CPNE1: variants seen among roughly 807,000 people sequenced by gnomAD.
The protein encoded by CPNE1 is copine-1.
Under a neutral mutation model 63.2 loss-of-function variants are expected in CPNE1, and 58 were observed. The observed-to-expected ratio is 0.92, with a 90% confidence interval of 0.74 to 1.14. The LOEUF (loss-of-function observed/expected upper bound fraction) is 1.14, where lower values mean the gene tolerates loss of function less well. CPNE1 is among the 50% of genes most tolerant of loss of function. The pLI is 0.00. For missense variants in CPNE1, 672 were observed against 661.7 expected (o/e 1.02, Z -0.17); for synonymous variants, 237 against 249.0 (o/e 0.95, Z 0.45).
chr20:35,656,627 C>G (rs2033913718), intron 1 of CPNE1, among the ~76,000 whole-genome samples: 1 of 152,180 alleles, frequency 6.6e-6, no homozygotes, highest in African/African-American at 2.4e-5. Flanking sequence ...CTCCACCTCC[C>G]AGGTTCAAGT....
At chr20:35,648,934 A>T (rs2033313433) in intron 1 of CPNE1, 1 of 152,710 alleles carries the variant, frequency 6.5e-6, no homozygotes, top group Non-Finnish European at 1.5e-5. Flanking sequence ...GTGCAGTTAA[A>T]GCATTAAAAG....
At chr20:35,650,037 T>C (rs2033394536) in intron 1 of CPNE1, 1 of 152,586 alleles carries the variant, frequency 6.6e-6, no homozygotes, top group Non-Finnish European at 1.5e-5. Context: ...TTTCACAGAA[T>C]ACATTTTCAA....
intron 1 of CPNE1, chr20:35,655,378 C>A (rs775448794): frequency 6.6e-7 from 1 of 1,516,852 alleles, no homozygotes; most frequent in Non-Finnish European, 8.8e-7. Flanking sequence ...CCAGGTCAGA[C>A]TCCTGTTTAT....
At chr20:35,633,921 T>C (rs577962124) in intron 1 of CPNE1, among the ~76,000 whole-genome samples, 132 of 125,328 alleles carry the variant, frequency 1.1e-3, no homozygotes, top group African/African-American at 3.7e-3. Context: ...ACTGTGCCAC[T>C]GTACTCCAGC....
intron 1 of CPNE1, among the ~76,000 whole-genome samples, chr20:35,662,092 T>C (rs1224187315): frequency 6.6e-6 from 1 of 152,230 alleles, no homozygotes. Flanking sequence ...ATGAAAAAAT[T>C]ATTCTGACAC....
rs1296569005 is a variant in CPNE1, at chr20:35,630,764, C to T, written c.1027G>A (p.Ala343Thr). 4 of 1,613,730 alleles carry T rather than the reference C, an allele frequency of 2.5e-6. No homozygotes were observed. The Admixed American group carries it at 6.7e-5, about 27-fold the overall frequency. ...ACCTGCCAGTCAGGGGGAACCTGGGCCCCAAATCCAAATGCAGGGAACAGC... is the reference window on the plus strand; with the variant it reads ...ACCTGCCAGTCAGGGGGAACCTGGGTCCCAAATCCAAATGCAGGGAACAGC... ...DKLFPAFGFG[A>T]QVPPDWQVSH... The change falls in exon 12 of 16, where the codon GCC becomes ACC. Residue 343 changes from alanine to threonine, a missense_variant. Transcript: ENST00000397443.
chr20:35,652,614 G>A (rs6121013), intron 1 of CPNE1: 31 of 1,614,046 alleles, frequency 1.9e-5, no homozygotes, highest in Non-Finnish European at 2.5e-5. Flanking sequence ...GAGACTCAAA[G>A]GCCACCATGG....
At chr20:35,654,938 G>A in intron 1 of CPNE1, 1 of 1,614,132 alleles carries the variant, frequency 6.2e-7, no homozygotes, top group Non-Finnish European at 8.5e-7. Context: ...CTGGGTGATG[G>A]ATTATTAAAG....
Position 35,659,137 on chromosome 20 carries a change from TCA to T in CPNE1, c.-1+5621_-1+5622del, listed in dbSNP as rs2146370608. ...CCAGAGTACTTCATTAGAATGCATA[TCA>T]AAAAAAAAAAAAAAAAGAAAGACAC... On this transcript the variant is annotated intron_variant, in intron 1 of 15. Transcript: ENST00000397443. The T allele has an allele frequency of 3.1e-5, 8 of 256,596 alleles. No homozygotes were observed. In the South Asian group the frequency reaches 6.8e-4, roughly 22 times the overall value. The allele number at this position is 256,596 out of a possible 1,614,324, so 15.9% of individuals were successfully genotyped here. A position where few individuals can be genotyped will look rare whatever the true frequency, so the allele number is the denominator to read the frequency against.
chr20:35,649,760 A>T lies in CPNE1; in HGVS notation c.-1+15000T>A, dbSNP rs997431664. The T allele has an allele frequency of 2.7e-5, 4 of 149,606 alleles. No homozygotes were observed. The South Asian group carries it at 6.3e-4, about 24-fold the overall frequency. 9.3% of individuals were successfully genotyped at this position (149,606 alleles called of 1,614,324 possible). ...AATCAAAAGAAAAATGAACACCAATAAAAAAAAAATCAGAAGGGAGAGGAA... is the reference window on the plus strand; with the variant it reads ...AATCAAAAGAAAAATGAACACCAATTAAAAAAAAATCAGAAGGGAGAGGAA... On this transcript the variant is annotated intron_variant, in intron 1 of 15. Coordinates refer to ENST00000397443, the MANE Select transcript of CPNE1 (RefSeq NM_152925.3).
At chr20:35,647,980 G>A (rs1243774777) in intron 1 of CPNE1, among the ~76,000 whole-genome samples, 1 of 150,964 alleles carries the variant, frequency 6.6e-6, no homozygotes, top group Non-Finnish European at 1.5e-5. Flanking sequence ...CAGGAGAATC[G>A]CTTGAACCCA....
intron 1 of CPNE1, among the ~76,000 whole-genome samples, chr20:35,664,084 C>T (rs6121020): frequency 0.26 from 39,226 of 151,922 alleles, 5,878 homozygotes; most frequent in African/African-American, 0.42. Flanking sequence ...ACCCCCTCAC[C>T]TCCTAGCTTC....
In CPNE1 at chr20:35,626,259, T is replaced by C. The variant is rs2031726840; in HGVS notation, c.1596A>G (p.Ala532=). ...KPLPPSAKDP[A]QAPQA Reference sequence around the variant, plus strand: ...AGGGAACCTAGGCCTGGGGGGCCTGTGCAGGATCCTTGGCTGAGGGTGGAA... The same window carrying C: ...AGGGAACCTAGGCCTGGGGGGCCTGCGCAGGATCCTTGGCTGAGGGTGGAA... Residue 532 remains alanine (A), a synonymous_variant, in exon 16 of 16, where the codon GCA becomes GCG. Coordinates refer to ENST00000397443, the MANE Select transcript of CPNE1 (RefSeq NM_152925.3). 6.2e-7 allele frequency: 1 copy of C among 1,614,096 alleles called. No homozygotes were observed. Among genetic ancestry groups the C allele is most frequent in the Non-Finnish European group, 8.5e-7 (1 of 1,180,002 alleles).
In CPNE1 at chr20:35,626,062, T is replaced by C. The variant is rs1049202118; in HGVS notation, c.*179A>G. 4 of 704,560 alleles carry C rather than the reference T, an allele frequency of 5.7e-6. No homozygotes were observed. Among genetic ancestry groups the C allele is most frequent in the Non-Finnish European group, 7.6e-6 (3 of 396,568 alleles). The allele number at this position is 704,560 out of a possible 1,614,324, so 43.6% of individuals were successfully genotyped here. A position where few individuals can be genotyped will look rare whatever the true frequency, so the allele number is the denominator to read the frequency against. On this transcript the variant is annotated 3_prime_UTR_variant, in exon 16 of 16. Coordinates refer to ENST00000397443, the MANE Select transcript of CPNE1 (RefSeq NM_152925.3). ...CAAAGCATTGGTCTTCACTGGTCTT[T>C]ATTGAATGAGGGTTGTCAGGAGCAA...
intron 1 of CPNE1, chr20:35,651,140 T>A (rs1228628547): frequency 6.6e-6 from 1 of 152,200 alleles, no homozygotes; most frequent in Admixed American, 6.5e-5. Context: ...GTTTTTCATA[T>A]CATCTCACCT....
chr20:35,645,282 A>C (rs922295732), intron 1 of CPNE1, among the ~76,000 whole-genome samples: 2 of 152,198 alleles, frequency 1.3e-5, no homozygotes, highest in African/African-American at 4.8e-5. Context: ...AGAGTTTAAG[A>C]TGGGTCTTCA....
At chr20:35,647,897 GAAAAAA>G (rs11481740) in intron 1 of CPNE1, among the ~76,000 whole-genome samples, 1 of 98,742 alleles carries the variant, frequency 1.0e-5, no homozygotes, top group Non-Finnish European at 2.2e-5. Context: ...TACTAAAAAT[GAAAAAA>G]AAAAAAAAAA....
At chr20:35,636,566 G>A (rs970247058) in intron 1 of CPNE1, among the ~76,000 whole-genome samples, 5 of 152,172 alleles carry the variant, frequency 3.3e-5, no homozygotes, top group Non-Finnish European at 5.9e-5. Flanking sequence ...TTGGGACGCC[G>A]AGGCAGGCGG....
chr20:35,631,632 G>T (rs1601422425), intron 7 of CPNE1, 54 bp from the exon 8 acceptor site: 5 of 1,606,916 alleles, frequency 3.1e-6, no homozygotes, highest in Non-Finnish European at 4.3e-6. Flanking sequence ...ATGAGAATAA[G>T]TCCCTCCCCA....
Sources: allele counts gnomAD v4.1 joint callset (sites outside exome capture counted in the v4.1 genomes callset), GRCh38; gene constraint gnomAD v4.1.1; transcripts MANE v1.5; gene names NCBI Gene and HGNC (gene_info 2026-07-23, HGNC 2026-07-21).